SDHAF3: variants seen among roughly 807,000 people sequenced by gnomAD.
The protein encoded by SDHAF3 is succinate dehydrogenase assembly factor 3, mitochondrial.
Under a neutral mutation model 11.5 loss-of-function variants are expected in SDHAF3, and 18 were observed. That is an observed-to-expected ratio of 1.56 (90% CI 1.08 to 2.32). The LOEUF (loss-of-function observed/expected upper bound fraction) is 2.32, where lower values mean the gene tolerates loss of function less well. SDHAF3 is among the 30% of genes most tolerant of loss of function. SDHAF3 has a pLI of 0.00. For synonymous variants in SDHAF3, 72 were observed against 59.3 expected (o/e 1.21, Z -0.99); for missense variants, 200 against 154.4 (o/e 1.30, Z -1.57).
rs546968047 is a variant in SDHAF3, at chr7:97,145,105, C to T, written c.174+27208C>T. 2.2e-3 allele frequency among the ~76,000 whole-genome samples: 333 copies of T among 149,858 alleles called. 1 individual carries two copies. Among genetic ancestry groups the T allele is most frequent in the Non-Finnish European group, 4.0e-3 (272 of 67,486 alleles). ...GAGTTGAGTTCTTGATTTGATTCTC[C>T]ACTTGGTCGCTATTGGTGTATTGAA... On this transcript the variant is annotated intron_variant, in intron 1 of 1. Coordinates refer to ENST00000432641, the MANE Select transcript of SDHAF3 (RefSeq NM_020186.3).
chr7:97,163,361 T>G (rs1789445327), intron 1 of SDHAF3, among the ~76,000 whole-genome samples: 1 of 152,052 alleles, frequency 6.6e-6, no homozygotes, highest in South Asian at 2.1e-4. Context: ...AGGCTGGTCT[T>G]GAACTCCTGA....
intron 1 of SDHAF3, among the ~76,000 whole-genome samples, chr7:97,168,679 G>A (rs914964002): frequency 2.0e-5 from 3 of 152,122 alleles, no homozygotes; most frequent in African/African-American, 4.8e-5. Flanking sequence ...CCTGCTAACC[G>A]GGGGTGTAAT....
At chr7:97,167,611 A>G (rs995114479) in intron 1 of SDHAF3, among the ~76,000 whole-genome samples, 1 of 152,194 alleles carries the variant, frequency 6.6e-6, no homozygotes, top group Non-Finnish European at 1.5e-5. Flanking sequence ...ATTCAAATCA[A>G]TCTCTCCAAG....
At position 97,130,330 on chromosome 7, in the gene SDHAF3, A is replaced by G. The variant is rs139003828; in HGVS notation, c.174+12433A>G. On this transcript the variant is annotated intron_variant, in intron 1 of 1. Transcript: ENST00000432641. ...TATATGTGTGACAAATCACCATTCA[A>G]TAAACCATCACAAAAACACCGACAA... Among the ~76,000 whole-genome samples the G allele has an allele frequency of 6.4e-3, 967 of 152,210 alleles. 11 individuals are homozygous for G. The highest frequency in any genetic ancestry group is 0.022 in the African/African-American group (920 of 41,540).
At position 97,181,361 on chromosome 7, in the gene SDHAF3, G is replaced by A; in HGVS notation, c.*146G>A. 1.7e-6 allele frequency: 1 copy of A among 594,176 alleles called. No homozygotes were observed. Among genetic ancestry groups the A allele is most frequent in the Non-Finnish European group, 2.9e-6 (1 of 349,322 alleles). 36.8% of individuals were successfully genotyped at this position (594,176 alleles called of 1,614,324 possible). A position where few individuals can be genotyped will look rare whatever the true frequency, so the allele number is the denominator to read the frequency against. ...TTTGGATATTATGATTGCAGTATATGGATCAAGATCACTAGTGACAATTGA... is the reference window on the plus strand; with the variant it reads ...TTTGGATATTATGATTGCAGTATATAGATCAAGATCACTAGTGACAATTGA... On this transcript the variant is annotated 3_prime_UTR_variant, in exon 2 of 2. Transcript: ENST00000432641.
intron 1 of SDHAF3, among the ~76,000 whole-genome samples, chr7:97,140,241 C>T (rs527616614): frequency 6.6e-6 from 1 of 152,114 alleles, no homozygotes; most frequent in Non-Finnish European, 1.5e-5. Flanking sequence ...TCAAAACAAC[C>T]TTCATATGGT....
At chr7:97,175,349 T>C (rs1488758995) in intron 1 of SDHAF3, among the ~76,000 whole-genome samples, 3 of 152,202 alleles carry the variant, frequency 2.0e-5, no homozygotes. Flanking sequence ...GGGGGTTTGT[T>C]GTACAGATTA....
chr7:97,163,601 A>T (rs934035617), intron 1 of SDHAF3, among the ~76,000 whole-genome samples: 46 of 152,132 alleles, frequency 3.0e-4, no homozygotes, highest in African/African-American at 1.1e-3. Flanking sequence ...TTGACTCTTT[A>T]TCCAGTTTGC....
chr7:97,127,789 C>G (rs1286828487), intron 1 of SDHAF3, among the ~76,000 whole-genome samples: 2 of 151,668 alleles, frequency 1.3e-5, no homozygotes, highest in Non-Finnish European at 2.9e-5. Context: ...ATGAGTGGGT[C>G]AGTTGGGTCT....
intron 1 of SDHAF3, among the ~76,000 whole-genome samples, chr7:97,142,094 C>T (rs564171780): frequency 1.7e-5 from 2 of 116,262 alleles, no homozygotes; most frequent in Non-Finnish European, 1.6e-5. Flanking sequence ...CGCCCTGTTG[C>T]CTGGGCTGGA....
intron 1 of SDHAF3, among the ~76,000 whole-genome samples, chr7:97,118,871 AAGAGCGACATTT>A (rs1381341214): frequency 6.6e-6 from 1 of 152,196 alleles, no homozygotes; most frequent in African/African-American, 2.4e-5. Flanking sequence ...TGAAGCTTTT[AAGAGCGACATTT>A]AGAACAATCG....
At chr7:97,152,124 C>T (rs1789233671) in intron 1 of SDHAF3, among the ~76,000 whole-genome samples, 1 of 152,154 alleles carries the variant, frequency 6.6e-6, no homozygotes, top group Non-Finnish European at 1.5e-5. Context: ...TCTCTCTGCC[C>T]TGCCGGTTCA....
intron 1 of SDHAF3, among the ~76,000 whole-genome samples, chr7:97,135,853 A>G (rs1281135978): frequency 6.6e-6 from 1 of 150,494 alleles, no homozygotes; most frequent in East Asian, 2.0e-4. Flanking sequence ...ACGCCTGGCT[A>G]ATTTTTTGTA....
At chr7:97,158,430 C>T (rs900773111) in intron 1 of SDHAF3, among the ~76,000 whole-genome samples, 6 of 152,236 alleles carry the variant, frequency 3.9e-5, no homozygotes, top group African/African-American at 1.4e-4. Context: ...CGGGTTCAAG[C>T]GATTCTCATG....
chr7:97,141,393 C>G (rs1247851871), intron 1 of SDHAF3, among the ~76,000 whole-genome samples: 1 of 152,142 alleles, frequency 6.6e-6, no homozygotes, highest in African/African-American at 2.4e-5. Context: ...TAAAAACTTG[C>G]TGGTTTTACA....
chr7:97,126,646 C>A (rs2115625202), intron 1 of SDHAF3, among the ~76,000 whole-genome samples: 1 of 152,276 alleles, frequency 6.6e-6, no homozygotes, highest in East Asian at 1.9e-4. Context: ...ATGCCCCTCC[C>A]CCCACCAAGC....
chr7:97,167,630 A>T (rs570689688), intron 1 of SDHAF3, among the ~76,000 whole-genome samples: 9 of 152,144 alleles, frequency 5.9e-5, no homozygotes, highest in African/African-American at 2.2e-4. Context: ...AGCATTTGGG[A>T]TCAGGGTTTT....
At chr7:97,163,593 G>C (rs569340161) in intron 1 of SDHAF3, among the ~76,000 whole-genome samples, 57 of 152,222 alleles carry the variant, frequency 3.7e-4, no homozygotes, top group African/African-American at 1.4e-3. Context: ...GATGAGCCTT[G>C]ACTCTTTATC....
At chr7:97,172,118 A>C (rs963570358) in intron 1 of SDHAF3, among the ~76,000 whole-genome samples, 2 of 152,142 alleles carry the variant, frequency 1.3e-5, no homozygotes, top group Non-Finnish European at 2.9e-5. Context: ...CTATTCTTCA[A>C]AAGTTTCTGG....
Sources: allele counts gnomAD v4.1 joint callset (sites outside exome capture counted in the v4.1 genomes callset), GRCh38; gene constraint gnomAD v4.1.1; transcripts MANE v1.5; gene names NCBI Gene and HGNC (gene_info 2026-07-23, HGNC 2026-07-21).